The following SPECC1 variants were observed in gnomAD, a reference collection of about 807,000 sequenced individuals.
SPECC1 encodes the protein cytospin-B.
A neutral mutation model predicts 104.1 loss-of-function variants in SPECC1; 62 were observed. The observed-to-expected ratio is 0.60, with a 90% CI of 0.49 to 0.74. The LOEUF (loss-of-function observed/expected upper bound fraction) is 0.74, where lower values mean the gene tolerates loss of function less well. Among genes scored for constraint, SPECC1 ranks in the 30% least tolerant of loss-of-function variants. SPECC1 has a pLI of 0.00. For synonymous variants in SPECC1, 513 were observed against 501.6 expected (o/e 1.02, Z -0.30); for missense variants, 1,306 against 1,310.5 (o/e 1.00, Z 0.05).
chr17:20,247,410 A>ATGTGTG, intron 9 of SPECC1, 91 bp downstream of exon 9: 1 of 827,812 alleles, frequency 1.2e-6, no homozygotes, highest in Non-Finnish European at 2.0e-6. Flanking sequence ...CCGTGTGTGT[A>ATGTGTG]TGTGTGTGTG....
In SPECC1 at chr17:20,236,710, C is replaced by T. The variant is rs998810464; in HGVS notation, c.2351+4305C>T. Reference sequence around the variant, plus strand: ...ACCTTTGGCTTCCAAAAAATTGGAACAGTAGGACTTAAAATCTGTTGGCCT... The same window carrying T: ...ACCTTTGGCTTCCAAAAAATTGGAATAGTAGGACTTAAAATCTGTTGGCCT... On this transcript the variant is annotated intron_variant, in intron 7 of 14. Coordinates refer to ENST00000395527, the MANE Select transcript of SPECC1 (RefSeq NM_001243439.2). 7 of 481,782 alleles carry T rather than the reference C, an allele frequency of 1.5e-5. No individual in the cohort carries two copies. In the East Asian group the frequency reaches 5.1e-4, roughly 35 times the overall value. The allele number at this position is 481,782 out of a possible 1,614,324, so 29.8% of individuals were successfully genotyped here.
intron 12 of SPECC1, among the ~76,000 whole-genome samples, chr17:20,275,977 T>G (rs886556347): frequency 6.6e-6 from 1 of 152,248 alleles, no homozygotes; most frequent in African/African-American, 2.4e-5. Context: ...GGTTTTTACC[T>G]TTTACTTCAG....
intron 4 of SPECC1, among the ~76,000 whole-genome samples, chr17:20,223,220 A>T (rs1446705309): frequency 6.6e-6 from 1 of 150,424 alleles, no homozygotes; most frequent in Non-Finnish European, 1.5e-5. Context: ...TGTGTGCTTT[A>T]TTTTTTTTAA....
chr17:20,174,232 A>C (rs2034302022), intron 3 of SPECC1, among the ~76,000 whole-genome samples: 1 of 152,200 alleles, frequency 6.6e-6, no homozygotes, highest in Non-Finnish European at 1.5e-5. Flanking sequence ...CCTGGCTGGC[A>C]GTTGAAGTTT....
rs1390148106 is a variant in SPECC1, at chr17:20,314,736, G to A, written c.*671G>A. On this transcript the variant is annotated 3_prime_UTR_variant, in exon 15 of 15. Transcript: ENST00000395527. ...AACAAAACACAAAAAATAAACATTTGTTCCAGGGCAACCTGGAAACGTGCG... is the reference window on the plus strand; with the variant it reads ...AACAAAACACAAAAAATAAACATTTATTCCAGGGCAACCTGGAAACGTGCG... 2.0e-5 allele frequency: 3 copies of A among 148,888 alleles called. No homozygotes were observed. Among genetic ancestry groups the A allele is most frequent in the African/African-American group, 9.7e-5 (3 of 31,024 alleles). 9.2% of individuals were successfully genotyped at this position (148,888 alleles called of 1,614,324 possible). A position where few individuals can be genotyped will look rare whatever the true frequency, so the allele number is the denominator to read the frequency against.
intron 3 of SPECC1, among the ~76,000 whole-genome samples, chr17:20,121,067 T>C (rs1055472674): frequency 2.0e-5 from 3 of 152,152 alleles, no homozygotes; most frequent in African/African-American, 7.2e-5. Context: ...GCTCCAACAA[T>C]AGCAAGAACA....
At chr17:20,177,795 C>T (rs113708770) in intron 3 of SPECC1, among the ~76,000 whole-genome samples, 2,417 of 151,692 alleles carry the variant, frequency 0.016, 45 homozygotes, top group African/African-American at 0.054. Context: ...CTGCAACCTC[C>T]GCCTTCTGGG....
At chr17:20,101,820 T>A (rs1445849128) in intron 2 of SPECC1, among the ~76,000 whole-genome samples, 2 of 152,206 alleles carry the variant, frequency 1.3e-5, no homozygotes, top group East Asian at 3.8e-4. Context: ...CTGCTCAAGT[T>A]TGAGAAGCGG....
intron 13 of SPECC1, among the ~76,000 whole-genome samples, chr17:20,302,333 G>A (rs1252195897): frequency 6.6e-6 from 1 of 152,210 alleles, no homozygotes; most frequent in African/African-American, 2.4e-5. Context: ...GACTGAAGCA[G>A]TGATGGCGTC....
At chr17:20,260,799 A>G (rs2039998644) in intron 12 of SPECC1, among the ~76,000 whole-genome samples, 1 of 152,026 alleles carries the variant, frequency 6.6e-6, no homozygotes, top group South Asian at 2.1e-4. Flanking sequence ...ATCAACATAG[A>G]GAATGTGGGC....
chr17:20,306,654 G>A (rs184143899), intron 14 of SPECC1, among the ~76,000 whole-genome samples: 7 of 152,368 alleles, frequency 4.6e-5, no homozygotes, highest in Middle Eastern at 3.4e-3. Flanking sequence ...GTGTGCGCAC[G>A]TGCGCGCAGA....
intron 2 of SPECC1, among the ~76,000 whole-genome samples, chr17:20,106,207 C>T (rs2048190380): frequency 6.6e-6 from 1 of 152,050 alleles, no homozygotes. Context: ...CATTTGGGGA[C>T]CAGGGAGGCA....
intron 1 of SPECC1, among the ~76,000 whole-genome samples, chr17:20,032,675 A>G (rs1335618267): frequency 6.6e-6 from 1 of 151,838 alleles, no homozygotes; most frequent in African/African-American, 2.4e-5. Context: ...TTGTTATGAT[A>G]CTTTCCTTTC....
chr17:20,152,651 C>CT (rs1326011221), intron 3 of SPECC1, among the ~76,000 whole-genome samples: 2 of 152,086 alleles, frequency 1.3e-5, no homozygotes, highest in African/African-American at 2.4e-5. Flanking sequence ...TCTTCCTCTT[C>CT]TTTTTTTATT....
chr17:20,033,114 C>G (rs1348180134), intron 1 of SPECC1, among the ~76,000 whole-genome samples: 2 of 152,010 alleles, frequency 1.3e-5, no homozygotes, highest in African/African-American at 2.4e-5. Context: ...CAGGCATCCA[C>G]CACCATGCCT....
intron 1 of SPECC1, among the ~76,000 whole-genome samples, chr17:20,013,693 G>C (rs1188689454): frequency 6.6e-6 from 1 of 152,074 alleles, no homozygotes; most frequent in Admixed American, 6.6e-5. Context: ...AGTGGGGACA[G>C]GTTTTAACCG....
At chr17:20,110,165 G>A (rs998269972) in intron 2 of SPECC1, among the ~76,000 whole-genome samples, 4 of 152,196 alleles carry the variant, frequency 2.6e-5, no homozygotes, top group Admixed American at 1.3e-4. Flanking sequence ...TACTTGAAGT[G>A]TGACCTGATG....
Position 20,201,185 on chromosome 17 carries a change from G to A in SPECC1, c.284-3148G>A, listed in dbSNP as rs998052057. Among the ~76,000 whole-genome samples, 11 of 151,956 alleles carry A rather than the reference G, an allele frequency of 7.2e-5. No homozygotes were observed. In the East Asian group the frequency reaches 2.1e-3, roughly 29 times the overall value. On this transcript the variant is annotated intron_variant, in intron 3 of 14. Coordinates refer to ENST00000395527, the MANE Select transcript of SPECC1 (RefSeq NM_001243439.2). ...GGTTTAAAAAAAAGAAAGTGGCTGG[G>A]CACGGTGGCTCACGCCTGTCATCCT...
intron 13 of SPECC1, among the ~76,000 whole-genome samples, chr17:20,299,322 G>T (rs1276898039): frequency 6.6e-6 from 1 of 151,946 alleles, no homozygotes; most frequent in Non-Finnish European, 1.5e-5. Flanking sequence ...GGGCGGCTGA[G>T]ACAGGAGGAT....
Sources: gnomAD v4.1 joint callset for allele counts (sites outside exome capture counted in the v4.1 genomes callset) on GRCh38, gnomAD v4.1.1 for gene constraint, MANE v1.5 for transcripts, NCBI Gene and HGNC (gene_info 2026-07-23, HGNC 2026-07-21) for gene names.